FANK1: variants seen among roughly 807,000 people sequenced by gnomAD.
FANK1 encodes the protein fibronectin type III and ankyrin repeat domains 1, also known as fibronectin type 3 and ankyrin repeat domains protein 1.
A neutral mutation model predicts 45.3 loss-of-function variants in FANK1; 44 were observed. The ratio of observed to expected loss-of-function variants is 0.97; its 90% confidence interval spans 0.76 to 1.25. The LOEUF is 1.25. Ranked by LOEUF, FANK1 falls within the 50% of genes most tolerant of loss-of-function variation. The probability of loss-of-function intolerance (pLI) is 0.00; values close to 1 mark genes in which losing one functional copy is unlikely to be tolerated. For synonymous variants in FANK1, 149 were observed against 152.5 expected, an observed-to-expected ratio of 0.98 and a Z score of 0.17; for missense variants, 391 against 424.4, an observed-to-expected ratio of 0.92 and a Z score of 0.69.
intron 1 of FANK1, among the ~76,000 whole-genome samples, chr10:125,923,164 A>C (rs376806178): frequency 6.6e-6 from 1 of 151,630 alleles, no homozygotes; most frequent in African/African-American, 2.4e-5. Flanking sequence ...TTTTTTTCCA[A>C]AAATTCATAT....
intron 1 of FANK1, among the ~76,000 whole-genome samples, chr10:125,898,783 TATTTA>T (rs1944788896): frequency 6.6e-6 from 1 of 152,138 alleles, no homozygotes. Context: ...AGGTGGAAAA[TATTTA>T]ATTTATACCT....
chr10:125,925,374 T>G (rs1947275318), intron 1 of FANK1, among the ~76,000 whole-genome samples: 1 of 62,000 alleles, frequency 1.6e-5, no homozygotes, highest in African/African-American at 5.7e-5. Context: ...TATAGTAACT[T>G]TGGTTAGACT....
At position 125,956,969 on chromosome 10, in the gene FANK1, C is replaced by T. The variant is rs528569163; in HGVS notation, c.14-23192C>T. ...TCCCGGGTTCAAGCGATTCTCCTGC[C>T]TCAGCCTCCCGAATAGCTAGCCGGG... On this transcript the variant is annotated intron_variant, in intron 1 of 10. Coordinates refer to ENST00000368693, the MANE Select transcript of FANK1 (RefSeq NM_145235.5). Among the ~76,000 whole-genome samples, 17 of 152,300 alleles carry T rather than the reference C, an allele frequency of 1.1e-4. No individual in the cohort carries two copies. In the South Asian group the frequency reaches 3.5e-3, roughly 32 times the overall value.
intron 2 of FANK1, among the ~76,000 whole-genome samples, chr10:125,981,868 A>C (rs952285335): frequency 7.2e-5 from 11 of 152,222 alleles, no homozygotes; most frequent in African/African-American, 2.7e-4. Flanking sequence ...TGCTGACATG[A>C]GAAGATAGAT....
intron 8 of FANK1, 128 bp downstream of exon 8, chr10:126,008,678 C>T: frequency 9.2e-7 from 1 of 1,092,442 alleles, no homozygotes; most frequent in South Asian, 1.7e-5. Context: ...TGTGTGTGTT[C>T]CCTGTCGGCT....
chr10:125,979,509 C>G (rs1430574627), intron 1 of FANK1, among the ~76,000 whole-genome samples: 1 of 152,154 alleles, frequency 6.6e-6, no homozygotes, highest in African/African-American at 2.4e-5. Context: ...ATATCCTCTC[C>G]CTATCTTGTG....
At chr10:126,007,662 T>C (rs907189284) in intron 7 of FANK1, among the ~76,000 whole-genome samples, 1 of 149,560 alleles carries the variant, frequency 6.7e-6, no homozygotes, top group Non-Finnish European at 1.5e-5. Flanking sequence ...TCATGTGTGC[T>C]TATGTGCACA....
Position 125,928,343 on chromosome 10 carries a change from G to C in FANK1, c.13+31688G>C, listed in dbSNP as rs533754796. 5.3e-5 allele frequency among the ~76,000 whole-genome samples: 8 copies of C among 150,990 alleles called. No homozygotes were observed. In the East Asian group the frequency reaches 1.2e-3, roughly 22 times the overall value. On this transcript the variant is annotated intron_variant, in intron 1 of 10. Coordinates refer to ENST00000368693, the MANE Select transcript of FANK1 (RefSeq NM_145235.5). ...ATTTGTAAACTGTCGTGGTGCTAGT[G>C]GGAGTGTAGCAGTGGGAGGAAGACC...
At chr10:125,978,766 A>G (rs1951009149) in intron 1 of FANK1, among the ~76,000 whole-genome samples, 1 of 152,114 alleles carries the variant, frequency 6.6e-6, no homozygotes, top group Admixed American at 6.5e-5. Flanking sequence ...CAATGCCGCT[A>G]CTGGTAGCTG....
chr10:125,904,412 G>GA (rs1177358292), intron 1 of FANK1, among the ~76,000 whole-genome samples: 1 of 151,694 alleles, frequency 6.6e-6, no homozygotes, highest in Non-Finnish European at 1.5e-5. Flanking sequence ...CAATGAAAGG[G>GA]AAAAAATAAC....
intron 1 of FANK1, among the ~76,000 whole-genome samples, chr10:125,934,111 A>C (rs1044884134): frequency 6.6e-6 from 1 of 152,222 alleles, no homozygotes; most frequent in Admixed American, 6.5e-5. Flanking sequence ...AAGTATAATA[A>C]AACACAGTCC....
chr10:125,956,210 G>T (rs1249256372), intron 1 of FANK1, among the ~76,000 whole-genome samples: 1 of 141,318 alleles, frequency 7.1e-6, no homozygotes, highest in Non-Finnish European at 1.5e-5. Flanking sequence ...TTTGGGGGGG[G>T]GGCGGTGGTG....
chr10:125,990,575 T>C (rs2134212726), intron 3 of FANK1, among the ~76,000 whole-genome samples: 2 of 152,208 alleles, frequency 1.3e-5, no homozygotes, highest in South Asian at 4.1e-4. Context: ...GTGAATATGG[T>C]TGGTTCTGCA....
chr10:125,990,249 C>T (rs1951837091), intron 3 of FANK1, among the ~76,000 whole-genome samples: 1 of 152,182 alleles, frequency 6.6e-6, no homozygotes, highest in Non-Finnish European at 1.5e-5. Context: ...CCATCTGTAG[C>T]TTGTGGGAGT....
In FANK1 at chr10:125,983,838, G is replaced by A. The variant is rs1210899560; in HGVS notation, c.191+3500G>A. 4.6e-5 allele frequency among the ~76,000 whole-genome samples: 7 copies of A among 152,140 alleles called. No homozygotes were observed. Among genetic ancestry groups the A allele is most frequent in the African/African-American group, 1.7e-4 (7 of 41,414 alleles). On this transcript the variant is annotated intron_variant, in intron 2 of 10. Transcript: ENST00000368693. The surrounding 1 kb of genome is among the most constrained non-coding windows in gnomAD (Gnocchi z 4.3). ...GGAGATTGTGAAGCTGAGAAGAGGT[G>A]TGATCCGGCTTATGTTTTACGAGGA...
intron 1 of FANK1, among the ~76,000 whole-genome samples, chr10:125,898,872 A>G (rs1348906519): frequency 6.6e-6 from 1 of 150,912 alleles, no homozygotes; most frequent in Non-Finnish European, 1.5e-5. Flanking sequence ...AAATAATTCA[A>G]TCACCATTTA....
intron 3 of FANK1, 67 bp from the exon 4 acceptor site, chr10:125,995,350 G>A: frequency 6.9e-7 from 1 of 1,453,190 alleles, no homozygotes; most frequent in African/African-American, 1.4e-5. Flanking sequence ...GCCACAGGAG[G>A]ACGATGGCGG....
rs145546937 is a variant in FANK1 at position 125,984,123 on chromosome 10, G to T, written c.191+3785G>T. Among the ~76,000 whole-genome samples the T allele has an allele frequency of 1.2e-4, 18 of 152,290 alleles. No homozygotes were observed. The East Asian group carries it at 3.5e-3, about 29-fold the overall frequency. ...CAGCACAGGCCCAGTGATGCTGCTG[G>T]AAGCATCAGCGTCACAGTCTCAGTG... On this transcript the variant is annotated intron_variant, in intron 2 of 10. Coordinates refer to ENST00000368693, the MANE Select transcript of FANK1 (RefSeq NM_145235.5).
chr10:125,949,436 T>C (rs1468444387), intron 1 of FANK1, among the ~76,000 whole-genome samples: 4 of 152,154 alleles, frequency 2.6e-5, no homozygotes, highest in African/African-American at 9.7e-5. Flanking sequence ...GGATACAAAA[T>C]CAATGTACAA....
Sources: gnomAD v4.1 joint callset for allele counts (sites outside exome capture counted in the v4.1 genomes callset) on GRCh38, gnomAD v4.1.1 for gene constraint, Gnocchi (gnomAD v3.1) non-coding constraint, MANE v1.5 for transcripts, NCBI Gene and HGNC (gene_info 2026-07-23, HGNC 2026-07-21) for gene names.